Variants in NLRP2 observed in about 807,000 individuals in gnomAD.
NLRP2 encodes NACHT, LRR and PYD domains-containing protein 2.
NLRP2 carries 107 observed loss-of-function variants against 97.2 expected under a neutral mutation model. The observed-to-expected ratio is 1.10, with a 90% CI of 0.94 to 1.29. The LOEUF is 1.29. Ranked by LOEUF, NLRP2 falls within the 50% of genes most tolerant of loss-of-function variation. The pLI is 0.00. For missense variants in NLRP2, 1,495 were observed against 1,330.3 expected, an observed-to-expected ratio of 1.12 and a Z score of -1.93; for synonymous variants, 663 against 551.5, an observed-to-expected ratio of 1.20 and a Z score of -2.83.
chr19:54,985,194 C>T lies in NLRP2; in HGVS notation c.2178C>T (p.Asp726=), dbSNP rs150962178. 42 of 1,613,986 alleles carry T rather than the reference C, an allele frequency of 2.6e-5. No individual in the cohort carries two copies. The highest frequency in any genetic ancestry group is 3.4e-5 in the Non-Finnish European group (40 of 1,180,020). Residue 726 remains aspartate, a synonymous_variant, in exon 7 of 13, where the codon GAC becomes GAT. Coordinates refer to ENST00000448584, the MANE Select transcript of NLRP2 (RefSeq NM_017852.5). ...TCCTGTGTGAACAAATAGCCTCTGACACCTGTCATCTCCAGAGAGTGGTGT... is the reference window on the plus strand; with the variant it reads ...TCCTGTGTGAACAAATAGCCTCTGATACCTGTCATCTCCAGAGAGTGGTGT... ...VRILCEQIAS[D]TCHLQRVVFK...
intron 11 of NLRP2, among the ~76,000 whole-genome samples, chr19:54,996,993 C>T (rs1392419147): frequency 1.3e-5 from 2 of 152,036 alleles, no homozygotes; most frequent in Non-Finnish European, 2.9e-5. Context: ...CTGCAACCTC[C>T]GCCTCCTGGG....
At chr19:54,989,137 T>G (rs1445990705) in intron 8 of NLRP2, among the ~76,000 whole-genome samples, 1 of 151,984 alleles carries the variant, frequency 6.6e-6, no homozygotes, top group Non-Finnish European at 1.5e-5. Flanking sequence ...TTTGTATGTT[T>G]AGTAGAGCCG....
chr19:54,979,929 A>G (rs191748776), intron 4 of NLRP2, among the ~76,000 whole-genome samples: 3 of 152,074 alleles, frequency 2.0e-5, no homozygotes, highest in Admixed American at 1.3e-4. Flanking sequence ...GGTGTGTGCC[A>G]CCACGCCCAG....
intron 12 of NLRP2, among the ~76,000 whole-genome samples, chr19:54,998,028 T>TC (rs1255474983): frequency 6.8e-6 from 1 of 147,502 alleles, no homozygotes; most frequent in Non-Finnish European, 1.5e-5. Context: ...TTTCTTTCTT[T>TC]TTTTTTTTTT....
At position 54,970,006 on chromosome 19, in the gene NLRP2, G is replaced by C. The variant is rs148761523; in HGVS notation, c.-10G>C. 1.2e-6 allele frequency: 2 copies of C among 1,613,000 alleles called. No individual in the cohort carries two copies. Among genetic ancestry groups the C allele is most frequent in the South Asian group, 1.1e-5 (1 of 91,026 alleles). The stretch of plus-strand genomic sequence containing the variant: ...CCTTGATTGTCATCACAGCTCCCAC[G>C]TGGGACAAGATGGTGTCTTCGGCGC... On this transcript the variant is annotated 5_prime_UTR_variant, in exon 2 of 13. Transcript: ENST00000448584.
At chr19:54,979,140 A>G (rs1417821543) in intron 4 of NLRP2, among the ~76,000 whole-genome samples, 6 of 151,814 alleles carry the variant, frequency 4.0e-5, no homozygotes, top group African/African-American at 1.5e-4. Context: ...GCCCACCACT[A>G]TGCCTGGCTA....
intron 6 of NLRP2, among the ~76,000 whole-genome samples, chr19:54,984,327 G>GTTTTTT (rs2071879170): frequency 4.6e-5 from 2 of 43,348 alleles, no homozygotes; most frequent in African/African-American, 3.0e-4. Context: ...GTTTTTTTTT[G>GTTTTTT]TGTTTTTTTT....
chr19:54,990,700 G>A (rs771562134), intron 10 of NLRP2, 28 bp downstream of exon 10: 63 of 1,613,036 alleles, frequency 3.9e-5, no homozygotes, highest in South Asian at 2.3e-4. Context: ...GCCTGTGTGC[G>A]TGGGTGTATA....
chr19:54,976,808 C>CTTTTT (rs1344091709), intron 3 of NLRP2: 2 of 229,390 alleles, frequency 8.7e-6, no homozygotes, highest in African/African-American at 1.5e-4. Context: ...ACCTTGTTCT[C>CTTTTT]TCTCTTTTTT....
At chr19:54,986,556 C>CTT (rs72407709) in intron 8 of NLRP2, among the ~76,000 whole-genome samples, 23,776 of 144,356 alleles carry the variant, frequency 0.16, 2,373 homozygotes, top group Non-Finnish European at 0.24. Flanking sequence ...TCTTTATCAT[C>CTT]TTTTTTTTTT....
In NLRP2 at chr19:54,970,045, C is replaced by A; in HGVS notation, c.30C>A (p.Asn10Lys). The A allele has an allele frequency of 6.2e-7, 1 of 1,614,006 alleles. No homozygotes were observed. The highest frequency in any genetic ancestry group is 8.5e-7 in the Non-Finnish European group (1 of 1,180,026). MVSSAQMGFNLQALLEQLSQ... is the reference protein window; with the variant it reads MVSSAQMGFKLQALLEQLSQ... The stretch of plus-strand genomic sequence containing the variant: ...TGTCTTCGGCGCAGATGGGCTTCAA[C>A]CTGCAGGCTCTCCTGGAGCAGCTCA... Residue 10 changes from asparagine to lysine, a missense_variant, in exon 2 of 13, where the codon AAC becomes AAA. By Grantham distance (94) the Asn-to-Lys change is moderately conservative. Transcript: ENST00000448584.
In NLRP2 at chr19:54,971,457, A is replaced by T. The variant is rs1323343320; in HGVS notation, c.280+1162A>T. Among the ~76,000 whole-genome samples the T allele has an allele frequency of 3.9e-5, 6 of 152,072 alleles. No homozygotes were observed. The East Asian group carries it at 7.7e-4, about 20-fold the overall frequency. On this transcript the variant is annotated intron_variant, in intron 2 of 12. Coordinates refer to ENST00000448584, the MANE Select transcript of NLRP2 (RefSeq NM_017852.5). ...CCACCAACAGTGTGAAAGTGTTCCTATTTCTCCACATCCTCTCCAGCACCT... is the reference window on the plus strand; with the variant it reads ...CCACCAACAGTGTGAAAGTGTTCCTTTTTCTCCACATCCTCTCCAGCACCT...
Position 54,982,910 on chromosome 19 carries a change from G to A in NLRP2, c.1212G>A (p.Val404=), listed in dbSNP as rs375015095. The change falls in exon 6 of 13, where the codon GTG becomes GTA. Residue 404 remains valine, a synonymous_variant. Transcript: ENST00000448584. ...LGSAPAVCWI[V]CTTLKLQMEK... is the part of the protein sequence containing the mutation. ...CGGCCCCCGCGGTGTGCTGGATCGT[G>A]TGCACGACTCTGAAGCTGCAGATGG... 7.4e-6 allele frequency: 12 copies of A among 1,613,156 alleles called. No homozygotes were observed. The highest frequency in any genetic ancestry group is 9.3e-6 in the Non-Finnish European group (11 of 1,180,018).
At chr19:54,997,747 AC>A (rs1424496706) in intron 12 of NLRP2, among the ~76,000 whole-genome samples, 2 of 145,824 alleles carry the variant, frequency 1.4e-5, no homozygotes, top group Non-Finnish European at 3.0e-5. Context: ...GAGCAACCGC[AC>A]CCGGCCACCT....
rs1488144851 is a variant in NLRP2, at chr19:54,975,520, C to T, written c.325+976C>T. The stretch of plus-strand genomic sequence containing the variant: ...AGGCTGGAGTGCAGTGGCGTGATCT[C>T]GGCTCACTGCAAGCTCCGCCTCCCG... On this transcript the variant is annotated intron_variant, in intron 3 of 12. Coordinates refer to ENST00000448584, the MANE Select transcript of NLRP2 (RefSeq NM_017852.5). 7.7e-5 allele frequency among the ~76,000 whole-genome samples: 11 copies of T among 142,030 alleles called. 1 individual carries two copies. In the East Asian group the frequency reaches 9.3e-4, roughly 12 times the overall value. The allele number at this position is 142,030 out of a possible 152,430, so 93.2% of individuals were successfully genotyped here.
rs1334441094 is a variant in NLRP2 at position 54,982,632 on chromosome 19, A to C, written c.934A>C (p.Lys312Gln). Reference sequence around the variant, plus strand: ...CATCTGCGGGGACTGGGAGAAGAAGAAGCCGGTGCCCGTCCTCCTGGGGAG... The same window carrying C: ...CATCTGCGGGGACTGGGAGAAGAAGCAGCCGGTGCCCGTCCTCCTGGGGAG... ...EDICGDWEKK[K>Q]PVPVLLGSLL... is the part of the protein sequence containing the mutation. Residue 312 changes from lysine (K) to glutamine (Q), a missense_variant, in exon 6 of 13, where the codon AAG (lysine) becomes CAG (glutamine). By Grantham distance (53) the Lys-to-Gln change is moderately conservative. Coordinates refer to ENST00000448584, the MANE Select transcript of NLRP2 (RefSeq NM_017852.5). 2.3e-5 allele frequency: 37 copies of C among 1,613,986 alleles called. No individual in the cohort carries two copies. Among genetic ancestry groups the C allele is most frequent in the East Asian group, 2.2e-4 (10 of 44,878 alleles).
chr19:54,971,932 G>A (rs997986050), intron 2 of NLRP2, among the ~76,000 whole-genome samples: 8 of 151,082 alleles, frequency 5.3e-5, no homozygotes, highest in African/African-American at 1.5e-4. Context: ...GGGTTCAAGC[G>A]ATTCTCCTGC....
chr19:54,994,373 G>A lies in NLRP2; in HGVS notation c.2813G>A (p.Gly938Glu), dbSNP rs774146177. 4.3e-6 allele frequency: 7 copies of A among 1,613,996 alleles called. No individual in the cohort carries two copies. The Admixed American group carries it at 1.2e-4, about 27-fold the overall frequency. The change falls in exon 11 of 13, where the codon GGA (glycine) becomes GAA (glutamate). Residue 938 changes from glycine to glutamate, a missense_variant. Gly to Glu is a moderately conservative substitution (Grantham distance 98, BLOSUM62 -2). Transcript: ENST00000448584. Reference sequence around the variant, plus strand: ...TTGGATCTGGGGCTGAATCACATAGGAGTTAAGGGAATGAAGTTCCTGTGT... The same window carrying A: ...TTGGATCTGGGGCTGAATCACATAGAAGTTAAGGGAATGAAGTTCCTGTGT... ...LCLDLGLNHI[G>E]VKGMKFLCEA...
At position 54,983,638 on chromosome 19, in the gene NLRP2, G is replaced by A. The variant is rs200381270; in HGVS notation, c.1940G>A (p.Cys647Tyr). 6.2e-7 allele frequency: 1 copy of A among 1,614,150 alleles called. No homozygotes were observed. Among genetic ancestry groups the A allele is most frequent in the African/African-American group, 1.3e-5 (1 of 75,058 alleles). Residue 647 changes from cysteine (C) to tyrosine (Y), a missense_variant, in exon 6 of 13, where the codon TGT becomes TAT. Cys to Tyr is a radical substitution (Grantham distance 194, BLOSUM62 -2). Coordinates refer to ENST00000448584, the MANE Select transcript of NLRP2 (RefSeq NM_017852.5). Reference protein sequence around the residue: ...VVPSSFCVKHCRNLQKMSLQV... With the variant: ...VVPSSFCVKHYRNLQKMSLQV... ...CCATCTTCATTCTGCGTCAAGCACT[G>A]TCGAAACCTGCAGAAAATGTCACTG...
Sources: gnomAD v4.1 joint callset for allele counts (sites outside exome capture counted in the v4.1 genomes callset) on GRCh38, gnomAD v4.1.1 for gene constraint, MANE v1.5 for transcripts, NCBI Gene and HGNC (gene_info 2026-07-23, HGNC 2026-07-21) for gene names.